The following ZC3H12B variants were observed in gnomAD, a reference collection of about 807,000 sequenced individuals.
The protein encoded by ZC3H12B is probable ribonuclease ZC3H12B.
In ZC3H12B, 7 loss-of-function variants were observed where a neutral mutation model predicts 43.9. The observed-to-expected ratio is 0.16, with a 90% confidence interval of 0.09 to 0.30. The LOEUF (loss-of-function observed/expected upper bound fraction) is 0.30. Ranked by LOEUF, ZC3H12B falls within the 10% of genes least tolerant of loss-of-function variation. The pLI is 1.00. For missense variants in ZC3H12B, 475 were observed against 670.2 expected (o/e 0.71, Z 3.22); for synonymous variants, 222 against 241.7 (o/e 0.92, Z 0.76).
chrX:65,219,795 T>TACATACACAC, the ZC3H12B span, among the ~76,000 whole-genome samples: 4 of 78,975 alleles, frequency 5.1e-5, no homozygotes, highest in Middle Eastern at 6.6e-3. Context: ...ACAAGAAGCA[T>TACATACACAC]ACATACACAC....
At chrX:65,363,010 C>G (rs1458246613), upstream of ZC3H12B, among the ~76,000 whole-genome samples, 3 of 111,249 alleles carry the variant, frequency 2.7e-5, no homozygotes, top group African/African-American at 9.8e-5. Context: ...ATCCCAGACT[C>G]TCTTCGCTTT....
upstream of ZC3H12B, among the ~76,000 whole-genome samples, chrX:65,486,849 C>T (rs2068129360): frequency 8.9e-6 from 1 of 112,309 alleles, no homozygotes; most frequent in Non-Finnish European, 1.9e-5. Flanking sequence ...AGTAGTCGAG[C>T]TTATCTTTTA....
At chrX:65,445,291 T>C (rs1451987302) in intron 3 of ZC3H12B, among the ~76,000 whole-genome samples, 1 of 112,263 alleles carries the variant, frequency 8.9e-6, no homozygotes, top group African/African-American at 3.2e-5. Context: ...GTCTGGGCAT[T>C]GAAGACTTAG....
chrX:65,355,298 G>T, the ZC3H12B span, among the ~76,000 whole-genome samples: 1 of 110,857 alleles, frequency 9.0e-6, no homozygotes, highest in South Asian at 3.9e-4. Flanking sequence ...AGAGAGTGGG[G>T]GTCAATATTC....
the ZC3H12B span, among the ~76,000 whole-genome samples, chrX:65,189,525 A>T: frequency 9.2e-6 from 1 of 108,753 alleles, no homozygotes; most frequent in Non-Finnish European, 1.9e-5. Context: ...AGTGGTTTTG[A>T]TTTGCATTTC....
chrX:65,118,741 G>A, the ZC3H12B span, among the ~76,000 whole-genome samples: 1 of 108,560 alleles, frequency 9.2e-6, no homozygotes, highest in Non-Finnish European at 1.9e-5. Context: ...ATGTTGGTGT[G>A]CTGCACCCAT....
At chrX:65,094,011 G>A in the ZC3H12B span, among the ~76,000 whole-genome samples, 2 of 110,741 alleles carry the variant, frequency 1.8e-5, no homozygotes, top group African/African-American at 6.6e-5. Flanking sequence ...TTGGATCATG[G>A]GAGTGGATTG....
At chrX:65,380,138 A>G (rs1415494114) in intron 2 of ZC3H12B, among the ~76,000 whole-genome samples, 1 of 111,568 alleles carries the variant, frequency 9.0e-6, no homozygotes, top group Non-Finnish European at 1.9e-5. Context: ...GAAGAGCAAC[A>G]CCAACAAACA....
the ZC3H12B span, among the ~76,000 whole-genome samples, chrX:65,061,347 TG>T: frequency 0.082 from 9,048 of 110,926 alleles, 1,017 homozygotes; most frequent in African/African-American, 0.29. Context: ...CCCCAGTGTG[TG>T]ATGTTCCGCT....
the ZC3H12B span, among the ~76,000 whole-genome samples, chrX:65,322,938 T>A: frequency 8.9e-6 from 1 of 112,007 alleles, no homozygotes; most frequent in African/African-American, 3.2e-5. Flanking sequence ...TTTTCAGTGT[T>A]AAATTTATTT....
chrX:65,282,326 C>T, the ZC3H12B span, among the ~76,000 whole-genome samples: 1 of 110,836 alleles, frequency 9.0e-6, no homozygotes, highest in Non-Finnish European at 1.9e-5. Context: ...CCAAAAACAA[C>T]AACAACAACA....
the ZC3H12B span, among the ~76,000 whole-genome samples, chrX:65,193,840 A>G: frequency 9.0e-6 from 1 of 111,544 alleles, no homozygotes; most frequent in Non-Finnish European, 1.9e-5. Flanking sequence ...CTGTAGATAA[A>G]TACCTGAGAA....
intron 3 of ZC3H12B, among the ~76,000 whole-genome samples, chrX:65,439,168 G>C (rs1295933900): frequency 1.8e-5 from 2 of 112,131 alleles, no homozygotes; most frequent in Non-Finnish European, 3.8e-5. Context: ...CCAGTTCCTG[G>C]CATTAAGGTC....
At chrX:65,464,680 G>A (rs1293832268) in intron 3 of ZC3H12B, among the ~76,000 whole-genome samples, 1 of 110,081 alleles carries the variant, frequency 9.1e-6, no homozygotes, top group Non-Finnish European at 1.9e-5. Context: ...GATTTTGTTT[G>A]TTTGTTTCTT....
the ZC3H12B span, among the ~76,000 whole-genome samples, chrX:65,189,829 C>T: frequency 1.8e-5 from 2 of 110,781 alleles, no homozygotes; most frequent in South Asian, 3.7e-4. Flanking sequence ...ATTTTGCCTT[C>T]TGTTGCCATT....
At chrX:65,146,238 G>A in the ZC3H12B span, among the ~76,000 whole-genome samples, 1 of 111,342 alleles carries the variant, frequency 9.0e-6, no homozygotes. Flanking sequence ...TTGTCTTCAA[G>A]CTCTGAAGTG....
chrX:65,498,880 C>T lies in ZC3H12B; in HGVS notation c.749-119C>T, dbSNP rs898905996. The T allele has an allele frequency of 1.3e-4, 72 of 537,404 alleles. 1 individual carries two copies. In the African/African-American group the frequency reaches 1.4e-3, roughly 11 times the overall value. The allele number at this position is 537,404 out of a possible 1,213,427, so 44.3% of individuals were successfully genotyped here. A position where few individuals can be genotyped will look rare whatever the true frequency, so the allele number is the denominator to read the frequency against. ...ATAGCCAGGAACAGGGCCTACTTTC[C>T]CTCTAAGAGCAAATAATATCTTCAT... On this transcript the variant is annotated intron_variant, in intron 2 of 4. Coordinates refer to ENST00000338957, the Ensembl canonical transcript of ZC3H12B.
At chrX:65,203,166 A>C in the ZC3H12B span, among the ~76,000 whole-genome samples, 1 of 112,079 alleles carries the variant, frequency 8.9e-6, no homozygotes, top group Non-Finnish European at 1.9e-5. Flanking sequence ...AGGGCATGCC[A>C]GAAATGCCAT....
At chrX:65,270,246 A>G in the ZC3H12B span, among the ~76,000 whole-genome samples, 3 of 111,961 alleles carry the variant, frequency 2.7e-5, no homozygotes, top group Non-Finnish European at 3.8e-5. Context: ...ATGATCAACT[A>G]ATTTTTGATA....
Sources: gnomAD v4.1 joint callset for allele counts (sites outside exome capture counted in the v4.1 genomes callset) on GRCh38, gnomAD v4.1.1 for gene constraint, MANE v1.5 for transcripts, NCBI Gene and HGNC (gene_info 2026-07-23, HGNC 2026-07-21) for gene names.